Variants in SCAPER observed in about 807,000 individuals in gnomAD.
The protein encoded by SCAPER is S-phase cyclin A associated protein in the ER, also known as S phase cyclin A-associated protein in the endoplasmic reticulum.
Under a neutral mutation model 182.2 loss-of-function variants are expected in SCAPER, and 98 were observed. The ratio of observed to expected loss-of-function variants is 0.54; its 90% CI spans 0.46 to 0.64. The LOEUF (loss-of-function observed/expected upper bound fraction) is 0.64. Ranked by LOEUF, SCAPER falls within the 30% of genes least tolerant of loss-of-function variation. SCAPER has a pLI of 0.00. For missense variants in SCAPER, 1,432 were observed against 1,690.0 expected, an observed-to-expected ratio of 0.85 and a Z score of 2.68; for synonymous variants, 605 against 564.6, an observed-to-expected ratio of 1.07 and a Z score of -1.01.
chr15:76,674,056 A>T (rs1250393701), intron 20 of SCAPER, among the ~76,000 whole-genome samples: 2 of 152,114 alleles, frequency 1.3e-5, no homozygotes, highest in East Asian at 1.9e-4. Context: ...GGTAAATAAT[A>T]AAAAATGTGT....
chr15:76,773,239 T>C (rs960267447), intron 9 of SCAPER, among the ~76,000 whole-genome samples: 2 of 151,930 alleles, frequency 1.3e-5, no homozygotes, highest in African/African-American at 4.8e-5. Context: ...ATTCCATCTT[T>C]AGAATGACAG....
At chr15:76,811,516 C>A (rs141248919) in intron 5 of SCAPER, among the ~76,000 whole-genome samples, 3 of 152,184 alleles carry the variant, frequency 2.0e-5, no homozygotes, top group Non-Finnish European at 2.9e-5. Flanking sequence ...TTGGGCCAGG[C>A]GCGGTGGCTC....
chr15:76,889,159 T>C (rs573201588), intron 1 of SCAPER, among the ~76,000 whole-genome samples: 1 of 152,280 alleles, frequency 6.6e-6, no homozygotes, highest in East Asian at 1.9e-4. Context: ...GCCTGCCTTA[T>C]AAGAGCTCCT....
chr15:76,769,183 C>A (rs1010515914), intron 10 of SCAPER, among the ~76,000 whole-genome samples: 4 of 152,046 alleles, frequency 2.6e-5, no homozygotes, highest in African/African-American at 9.7e-5. Context: ...GTGGCTCACA[C>A]CTGTATCCCA....
At chr15:76,368,818 T>C (rs2041971790) in intron 29 of SCAPER, among the ~76,000 whole-genome samples, 1 of 152,162 alleles carries the variant, frequency 6.6e-6, no homozygotes. Context: ...GGCAGTCAAA[T>C]CATCAGTCAT....
intron 23 of SCAPER, among the ~76,000 whole-genome samples, chr15:76,566,687 T>A (rs1341998693): frequency 6.6e-6 from 1 of 152,116 alleles, no homozygotes; most frequent in African/African-American, 2.4e-5. Context: ...TTTGCACATG[T>A]AAGAGTATTT....
intron 5 of SCAPER, among the ~76,000 whole-genome samples, chr15:76,808,571 T>C (rs1486996424): frequency 6.6e-6 from 1 of 152,062 alleles, no homozygotes; most frequent in African/African-American, 2.4e-5. Context: ...AAGCACAAAC[T>C]CCCGACTCCC....
At chr15:76,537,654 A>C (rs2044301598) in intron 23 of SCAPER, among the ~76,000 whole-genome samples, 1 of 151,952 alleles carries the variant, frequency 6.6e-6, no homozygotes, top group African/African-American at 2.4e-5. Context: ...GGACATAGGC[A>C]TGGGCAAGGA....
intron 16 of SCAPER, among the ~76,000 whole-genome samples, chr15:76,730,610 AT>A (rs1388336537): frequency 6.6e-6 from 1 of 152,000 alleles, no homozygotes; most frequent in Non-Finnish European, 1.5e-5. Context: ...TTATAGTCCA[AT>A]TTTTCTGAAG....
chr15:76,845,809 A>G (rs1435496504), intron 4 of SCAPER, among the ~76,000 whole-genome samples: 1 of 152,110 alleles, frequency 6.6e-6, no homozygotes, highest in East Asian at 1.9e-4. Flanking sequence ...CTATCAAAAT[A>G]CCAATGACAT....
intron 15 of SCAPER, chr15:76,736,956 A>G (rs1457453582): frequency 6.6e-6 from 1 of 152,594 alleles, no homozygotes; most frequent in Non-Finnish European, 1.5e-5. Flanking sequence ...TCTAATTCTC[A>G]TACTCTTGCT....
At chr15:76,497,722 G>A (rs1481254823) in intron 24 of SCAPER, among the ~76,000 whole-genome samples, 1 of 152,044 alleles carries the variant, frequency 6.6e-6, no homozygotes, top group Non-Finnish European at 1.5e-5. Context: ...GCCGGGCACG[G>A]TGGCTCATGC....
intron 14 of SCAPER, among the ~76,000 whole-genome samples, chr15:76,756,309 G>C (rs917958271): frequency 6.6e-6 from 1 of 150,996 alleles, no homozygotes; most frequent in Non-Finnish European, 1.5e-5. Context: ...AGGTATGATG[G>C]CTCATGCCTG....
intron 25 of SCAPER, among the ~76,000 whole-genome samples, chr15:76,457,253 A>G (rs1382566615): frequency 2.0e-5 from 3 of 151,812 alleles, no homozygotes; most frequent in Non-Finnish European, 2.9e-5. Context: ...TTAGTAGAGA[A>G]GGGGTTTCAC....
Position 76,854,175 on chromosome 15 carries a change from A to T in SCAPER, c.195+3634T>A, listed in dbSNP as rs545213926. Among the ~76,000 whole-genome samples, 8 of 152,224 alleles carry T rather than the reference A, an allele frequency of 5.3e-5. 1 individual carries two copies. The highest frequency in any genetic ancestry group is 1.4e-4 in the African/African-American group (6 of 41,542). ...TCCCAGCTACTCAGGAGGCTGAGGC[A>T]GGAGAATCGCTTGAACCCAGGAGGC... On this transcript the variant is annotated intron_variant, in intron 4 of 31. Transcript: ENST00000563290.
At chr15:76,542,464 A>G (rs1488786950) in intron 23 of SCAPER, among the ~76,000 whole-genome samples, 1 of 152,032 alleles carries the variant, frequency 6.6e-6, no homozygotes, top group Non-Finnish European at 1.5e-5. Context: ...CAGAGGTTGC[A>G]ATGAGCTGAG....
chr15:76,859,024 T>C (rs2071646049), intron 3 of SCAPER, among the ~76,000 whole-genome samples: 1 of 152,238 alleles, frequency 6.6e-6, no homozygotes, highest in Non-Finnish European at 1.5e-5. Context: ...TAGTTCTGTT[T>C]TCAACTCTTT....
intron 29 of SCAPER, among the ~76,000 whole-genome samples, chr15:76,358,852 A>G (rs1298584436): frequency 6.6e-6 from 1 of 152,204 alleles, no homozygotes; most frequent in Non-Finnish European, 1.5e-5. Context: ...GAGTCAGTTG[A>G]GTGGCTTTCC....
At chr15:76,581,567 A>G (rs2469241) in intron 22 of SCAPER, among the ~76,000 whole-genome samples, 26,737 of 152,128 alleles carry the variant, frequency 0.18, 2,565 homozygotes, top group African/African-American at 0.25. Context: ...CGATATAATC[A>G]TTTCAATTGA....
Sources: allele counts gnomAD v4.1 joint callset (sites outside exome capture counted in the v4.1 genomes callset), GRCh38; gene constraint gnomAD v4.1.1; transcripts MANE v1.5; gene names NCBI Gene and HGNC (gene_info 2026-07-23, HGNC 2026-07-21).